SGCZ: variants seen among roughly 807,000 people sequenced by gnomAD.
SGCZ encodes sarcoglycan zeta, also known as zeta-sarcoglycan.
Under a neutral mutation model 41.3 loss-of-function variants are expected in SGCZ, and 40 were observed. The ratio of observed to expected loss-of-function variants is 0.97; its 90% confidence interval spans 0.75 to 1.26. SGCZ has a LOEUF of 1.26. Ranked by LOEUF, SGCZ falls within the 50% of genes most tolerant of loss-of-function variation. SGCZ has a pLI of 0.00. For missense variants in SGCZ, 552 were observed against 369.8 expected (o/e 1.49, Z -4.04); for synonymous variants, 206 against 137.5 (o/e 1.50, Z -3.49).
At chr8:15,130,687 T>C (rs1400596233) in intron 1 of SGCZ, among the ~76,000 whole-genome samples, 1 of 152,202 alleles carries the variant, frequency 6.6e-6, no homozygotes, top group Non-Finnish European at 1.5e-5. Flanking sequence ...TCAATTCTGA[T>C]GAAAGTATTT....
In SGCZ at chr8:14,554,788, T is replaced by C. The variant is rs773193771; in HGVS notation, c.178A>G (p.Met60Val). ...YFFVLLLLVTMIVNLAMTIWI... is the reference protein window; with the variant it reads ...YFFVLLLLVTVIVNLAMTIWI... ...ATTGTCATGGCTAAGTTAACTATCA[T>C]GGTAACCAACAGCAGAAGGACAAAG... is the stretch of plus-strand genomic sequence containing the variant. The change falls in exon 2 of 8, where the codon ATG becomes GTG. Residue 60 changes from methionine (M) to valine (V), a missense_variant. Transcript: ENST00000382080. 9 of 1,613,268 alleles carry C rather than the reference T, an allele frequency of 5.6e-6. No individual in the cohort carries two copies. The highest frequency in any genetic ancestry group is 4.4e-5 in the South Asian group (4 of 91,054).
chr8:14,772,000 T>G (rs1368694282), intron 1 of SGCZ, among the ~76,000 whole-genome samples: 1 of 152,166 alleles, frequency 6.6e-6, no homozygotes, highest in African/African-American at 2.4e-5. Flanking sequence ...TGATGATTTT[T>G]CAACTTTACA....
intron 2 of SGCZ, among the ~76,000 whole-genome samples, chr8:14,455,944 A>G (rs1800730420): frequency 6.6e-6 from 1 of 152,232 alleles, no homozygotes. Flanking sequence ...AGTCACATTT[A>G]TATACCTAAA....
intron 5 of SGCZ, among the ~76,000 whole-genome samples, chr8:14,150,463 C>T (rs984358169): frequency 6.6e-6 from 1 of 152,112 alleles, no homozygotes; most frequent in Admixed American, 6.6e-5. Flanking sequence ...ATCAAATCTA[C>T]AAGGAGATGT....
chr8:15,098,612 T>C (rs904163997), intron 1 of SGCZ, among the ~76,000 whole-genome samples: 1 of 152,226 alleles, frequency 6.6e-6, no homozygotes. Context: ...GCTTTACTTG[T>C]TTTGAGGTTT....
At chr8:14,741,015 A>G (rs988079071) in intron 1 of SGCZ, among the ~76,000 whole-genome samples, 1 of 152,094 alleles carries the variant, frequency 6.6e-6, no homozygotes, top group African/African-American at 2.4e-5. Context: ...TTAATTATGT[A>G]CTTATTTCAG....
At chr8:14,610,494 T>C (rs1015289917) in intron 1 of SGCZ, among the ~76,000 whole-genome samples, 1 of 152,150 alleles carries the variant, frequency 6.6e-6, no homozygotes, top group South Asian at 2.1e-4. Flanking sequence ...TGTCATTTAT[T>C]TGGGTCTCAA....
chr8:14,907,242 T>C (rs1216723991), intron 1 of SGCZ, among the ~76,000 whole-genome samples: 1 of 152,146 alleles, frequency 6.6e-6, no homozygotes, highest in Non-Finnish European at 1.5e-5. Flanking sequence ...TCACTCAGGA[T>C]GAAGTAGAAT....
intron 2 of SGCZ, among the ~76,000 whole-genome samples, chr8:14,482,134 T>A (rs1585573766): frequency 6.6e-6 from 1 of 152,292 alleles, no homozygotes; most frequent in African/African-American, 2.4e-5. Context: ...TTCCCCTGAG[T>A]GATCCAGGGA....
intron 3 of SGCZ, among the ~76,000 whole-genome samples, chr8:14,276,676 T>C (rs191895885): frequency 2.8e-4 from 43 of 152,288 alleles, no homozygotes; most frequent in African/African-American, 1.0e-3. Flanking sequence ...CCAATTTGTA[T>C]TTTATACTGT....
At chr8:14,846,176 C>G (rs1351653204) in intron 1 of SGCZ, among the ~76,000 whole-genome samples, 1 of 152,054 alleles carries the variant, frequency 6.6e-6, no homozygotes, top group African/African-American at 2.4e-5. Context: ...ATACTATCAA[C>G]CAACTTGCCT....
rs568955873 is a variant in SGCZ at position 14,655,937 on chromosome 8, G to C, written c.40-101011C>G. The stretch of plus-strand genomic sequence containing the variant: ...AGTCATCCAGAGTATTTCAAGTATT[G>C]CTCCTTTTTATTGCTGAAGACCCAT... On this transcript the variant is annotated intron_variant, in intron 1 of 7. Transcript: ENST00000382080. Among the ~76,000 whole-genome samples the C allele has an allele frequency of 1.3e-4, 20 of 152,132 alleles. No individual in the cohort carries two copies. In the South Asian group the frequency reaches 4.1e-3, roughly 32 times the overall value.
chr8:14,248,357 G>A (rs548285302), intron 3 of SGCZ, among the ~76,000 whole-genome samples: 221 of 152,242 alleles, frequency 1.5e-3, no homozygotes, highest in African/African-American at 4.9e-3. Flanking sequence ...TGATGGTGAT[G>A]ACGATGCTAA....
intron 1 of SGCZ, among the ~76,000 whole-genome samples, chr8:15,230,711 C>A (rs79825276): frequency 0.068 from 10,353 of 152,188 alleles, 407 homozygotes; most frequent in African/African-American, 0.082. Context: ...TTGCCATGGT[C>A]CCAGAGTCAA....
chr8:14,900,490 C>A (rs535798876), intron 1 of SGCZ, among the ~76,000 whole-genome samples: 1 of 152,196 alleles, frequency 6.6e-6, no homozygotes, highest in African/African-American at 2.4e-5. Context: ...AACTCCGACC[C>A]AGCAGAATGG....
At chr8:15,193,350 C>T (rs1193840335) in intron 1 of SGCZ, among the ~76,000 whole-genome samples, 1 of 152,022 alleles carries the variant, frequency 6.6e-6, no homozygotes, top group Non-Finnish European at 1.5e-5. Flanking sequence ...ATGAGGACAT[C>T]GTTATAACTG....
chr8:14,248,354 G>A (rs7842522), intron 3 of SGCZ, among the ~76,000 whole-genome samples: 101,347 of 151,880 alleles, frequency 0.67, 34,201 homozygotes, highest in South Asian at 0.78. Context: ...TGATGATGGT[G>A]ATGACGATGC....
intron 2 of SGCZ, among the ~76,000 whole-genome samples, chr8:14,325,305 A>T: frequency 6.6e-6 from 1 of 151,980 alleles, no homozygotes; most frequent in Non-Finnish European, 1.5e-5. Context: ...ATAGACACAG[A>T]AAGGAAGAAC....
At chr8:14,445,933 G>C (rs1157945201) in intron 2 of SGCZ, among the ~76,000 whole-genome samples, 1 of 152,162 alleles carries the variant, frequency 6.6e-6, no homozygotes, top group Non-Finnish European at 1.5e-5. Context: ...CATGAAGCTT[G>C]CTCCTGCTGG....
Sources: gnomAD v4.1 joint callset for allele counts (sites outside exome capture counted in the v4.1 genomes callset) on GRCh38, gnomAD v4.1.1 for gene constraint, MANE v1.5 for transcripts, NCBI Gene and HGNC (gene_info 2026-07-23, HGNC 2026-07-21) for gene names.